Variants in SNTG1 observed in about 807,000 individuals in gnomAD.
SNTG1 encodes the protein syntrophin gamma 1.
A neutral mutation model predicts 74.7 loss-of-function variants in SNTG1; 39 were observed. That is an observed-to-expected ratio of 0.52 (90% CI 0.40 to 0.68). SNTG1 has a LOEUF of 0.68. SNTG1 is among the 30% of genes least tolerant of loss of function. The probability of loss-of-function intolerance (pLI) is 0.00; values close to 1 mark genes in which losing one functional copy is unlikely to be tolerated. For missense variants in SNTG1, 685 were observed against 609.5 expected, an observed-to-expected ratio of 1.12 and a Z score of -1.30; for synonymous variants, 254 against 217.1, an observed-to-expected ratio of 1.17 and a Z score of -1.49.
intron 1 of SNTG1, among the ~76,000 whole-genome samples, chr8:49,983,866 A>C (rs1171662764): frequency 1.3e-5 from 2 of 152,238 alleles, no homozygotes; most frequent in Admixed American, 1.3e-4. Flanking sequence ...CATTTTATTC[A>C]TGAGAAAATT....
intron 15 of SNTG1, among the ~76,000 whole-genome samples, chr8:50,675,149 G>C (rs1357539957): frequency 1.3e-5 from 2 of 152,162 alleles, no homozygotes; most frequent in East Asian, 3.9e-4. Context: ...CTGCTGATTT[G>C]GGGTGGAGAG....
intron 12 of SNTG1, among the ~76,000 whole-genome samples, chr8:50,574,302 T>G (rs2094565005): frequency 1.3e-5 from 2 of 152,118 alleles, no homozygotes; most frequent in Non-Finnish European, 2.9e-5. Context: ...CTATTCAAAC[T>G]CCAGTTTCTG....
intron 8 of SNTG1, among the ~76,000 whole-genome samples, chr8:50,461,731 G>GATTGT (rs1554534414): frequency 6.6e-6 from 1 of 150,934 alleles, no homozygotes; most frequent in Non-Finnish European, 1.5e-5. Flanking sequence ...TTGTTTGTTT[G>GATTGT]TTTGTTTTGT....
chr8:50,228,090 G>T (rs1563768935), intron 2 of SNTG1, among the ~76,000 whole-genome samples: 1 of 151,696 alleles, frequency 6.6e-6, no homozygotes, highest in Non-Finnish European at 1.5e-5. Context: ...AATATAGACA[G>T]AAGGTTAATG....
At chr8:50,028,820 T>C (rs1008511945) in intron 1 of SNTG1, among the ~76,000 whole-genome samples, 1 of 152,234 alleles carries the variant, frequency 6.6e-6, no homozygotes, top group African/African-American at 2.4e-5. Context: ...GCTCTTCCAA[T>C]ACATTGCGTC....
chr8:50,437,958 T>A (rs1472558449), intron 4 of SNTG1, among the ~76,000 whole-genome samples: 1 of 152,222 alleles, frequency 6.6e-6, no homozygotes, highest in Non-Finnish European at 1.5e-5. Flanking sequence ...TTAAAGTTGA[T>A]AATTCAATTA....
chr8:50,398,374 C>A (rs2092755790), intron 3 of SNTG1, among the ~76,000 whole-genome samples: 1 of 152,202 alleles, frequency 6.6e-6, no homozygotes, highest in Non-Finnish European at 1.5e-5. Flanking sequence ...ACAGGCTCAG[C>A]GGCGAGCGCA....
chr8:50,570,720 T>G (rs1377453888), intron 12 of SNTG1, among the ~76,000 whole-genome samples: 1 of 151,732 alleles, frequency 6.6e-6, no homozygotes, highest in Non-Finnish European at 1.5e-5. Flanking sequence ...TTCTTCTGCC[T>G]CAGGCTCCCA....
At chr8:50,228,416 A>ACAGAT (rs2085451836) in intron 2 of SNTG1, among the ~76,000 whole-genome samples, 1 of 151,938 alleles carries the variant, frequency 6.6e-6, no homozygotes, top group African/African-American at 2.4e-5. Context: ...ATACCAAACC[A>ACAGAT]CAGATCCAAA....
chr8:50,175,634 T>TATC (rs1308999939), intron 2 of SNTG1, among the ~76,000 whole-genome samples: 6 of 152,138 alleles, frequency 3.9e-5, no homozygotes, highest in African/African-American at 1.4e-4. Context: ...GGTTTCAAAG[T>TATC]ATCATGCACA....
At chr8:50,075,197 C>T (rs951037581) in intron 1 of SNTG1, among the ~76,000 whole-genome samples, 13 of 152,196 alleles carry the variant, frequency 8.5e-5, no homozygotes, top group African/African-American at 3.1e-4. Context: ...GGGAGCTGTC[C>T]CCTGCTCTGT....
chr8:50,245,698 CA>C (rs1446591751), intron 2 of SNTG1, among the ~76,000 whole-genome samples: 3 of 151,886 alleles, frequency 2.0e-5, no homozygotes, highest in Non-Finnish European at 4.4e-5. Flanking sequence ...AACAAACAGA[CA>C]AAAGAAAACA....
chr8:50,350,929 C>T (rs531442576), intron 2 of SNTG1, among the ~76,000 whole-genome samples: 6 of 152,324 alleles, frequency 3.9e-5, no homozygotes, highest in Non-Finnish European at 5.9e-5. Context: ...AGTGGCAACC[C>T]GTAGGTCCCC....
At chr8:50,271,769 C>A (rs568421234) in intron 2 of SNTG1, among the ~76,000 whole-genome samples, 1 of 152,098 alleles carries the variant, frequency 6.6e-6, no homozygotes, top group Admixed American at 6.6e-5. Flanking sequence ...TCTGGGAATG[C>A]TTTTGTTTAA....
intron 11 of SNTG1, among the ~76,000 whole-genome samples, chr8:50,546,088 A>G (rs775922223): frequency 6.6e-6 from 1 of 152,164 alleles, no homozygotes; most frequent in Non-Finnish European, 1.5e-5. Flanking sequence ...TCACGTAAGG[A>G]TGTCATAGAA....
At chr8:50,139,919 T>A (rs1022874451) in intron 1 of SNTG1, among the ~76,000 whole-genome samples, 10 of 152,240 alleles carry the variant, frequency 6.6e-5, no homozygotes, top group Non-Finnish European at 1.2e-4. Context: ...GTAATGTAGT[T>A]CAGTTTAGAA....
chr8:50,763,354 G>A (rs2095604424), intron 18 of SNTG1, among the ~76,000 whole-genome samples: 1 of 151,770 alleles, frequency 6.6e-6, no homozygotes, highest in African/African-American at 2.4e-5. Context: ...AGTATTTGGG[G>A]ATTTATCTTT....
At chr8:50,272,894 G>T (rs1241259299) in intron 2 of SNTG1, among the ~76,000 whole-genome samples, 1 of 130,340 alleles carries the variant, frequency 7.7e-6, no homozygotes, top group Non-Finnish European at 1.6e-5. Flanking sequence ...GTGCCACCAT[G>T]CCTGGATACT....
chr8:49,911,675 AGGG>A lies in SNTG1; in HGVS notation c.-657_-655del, dbSNP rs1188160409. ...GAAAGTGCGACCTGGACCTGCGCTT[AGGG>A]GCTCCCGTCCCCTTACTTCAGCACC... is the stretch of plus-strand genomic sequence containing the variant. On this transcript the variant is annotated 5_prime_UTR_variant, in exon 1 of 19. Transcript: ENST00000642720. The A allele has an allele frequency of 6.6e-6, 1 of 152,076 alleles. No homozygotes were observed. The highest frequency in any genetic ancestry group is 6.5e-5 in the Admixed American group (1 of 15,270). The allele number at this position is 152,076 out of a possible 1,614,324, so 9.4% of individuals were successfully genotyped here.
Sources: gnomAD v4.1 joint callset for allele counts (sites outside exome capture counted in the v4.1 genomes callset) on GRCh38, gnomAD v4.1.1 for gene constraint, MANE v1.5 for transcripts, NCBI Gene and HGNC (gene_info 2026-07-23, HGNC 2026-07-21) for gene names.